Variants in AUTS2 observed in about 807,000 individuals in gnomAD.
AUTS2 encodes activator of transcription and developmental regulator AUTS2.
Under a neutral mutation model 112.4 loss-of-function variants are expected in AUTS2, and 17 were observed. The observed-to-expected ratio is 0.15, with a 90% CI of 0.10 to 0.23. The LOEUF (loss-of-function observed/expected upper bound fraction) is 0.23, where lower values mean the gene tolerates loss of function less well. Among genes scored for constraint, AUTS2 ranks in the 10% least tolerant of loss-of-function variants. The pLI is 1.00. For synonymous variants in AUTS2, 751 were observed against 702.7 expected, an observed-to-expected ratio of 1.07 and a Z score of -1.09; for missense variants, 1,510 against 1,701.6, an observed-to-expected ratio of 0.89 and a Z score of 1.98.
At chr7:69,600,570 G>T (rs1448203274) in intron 1 of AUTS2, among the ~76,000 whole-genome samples, 2 of 149,596 alleles carry the variant, frequency 1.3e-5, no homozygotes, top group African/African-American at 4.9e-5. Context: ...TGAAGCTGGG[G>T]AAGGGGGCGT....
At chr7:69,835,470 G>C (rs1042991293) in intron 1 of AUTS2, among the ~76,000 whole-genome samples, 1 of 152,256 alleles carries the variant, frequency 6.6e-6, no homozygotes, top group Middle Eastern at 3.4e-3. Flanking sequence ...GTTAGTGGGA[G>C]CTTAGAGGGA....
At chr7:70,775,036 C>T (rs929707286) in intron 12 of AUTS2, 2 of 368,592 alleles carry the variant, frequency 5.4e-6, no homozygotes, top group Non-Finnish European at 9.8e-6. Flanking sequence ...CAGACCTACC[C>T]GGTGTGGTTT....
chr7:69,730,718 G>C (rs1036368362), intron 1 of AUTS2, among the ~76,000 whole-genome samples: 1 of 152,130 alleles, frequency 6.6e-6, no homozygotes, highest in Non-Finnish European at 1.5e-5. Flanking sequence ...ATACCAAATA[G>C]CTGTAACCTT....
At chr7:70,677,613 G>T (rs899146563) in intron 5 of AUTS2, among the ~76,000 whole-genome samples, 4 of 151,998 alleles carry the variant, frequency 2.6e-5, no homozygotes, top group Non-Finnish European at 4.4e-5. Flanking sequence ...TGTAGAGGCA[G>T]GGTCTTGCTT....
chr7:70,361,865 A>T (rs1439277182), intron 4 of AUTS2, among the ~76,000 whole-genome samples: 2 of 152,162 alleles, frequency 1.3e-5, no homozygotes, highest in East Asian at 3.8e-4. Context: ...TCAAGAAGAT[A>T]AGTTTTATGT....
At chr7:70,568,860 C>A (rs755929995) in intron 5 of AUTS2, among the ~76,000 whole-genome samples, 10 of 152,250 alleles carry the variant, frequency 6.6e-5, no homozygotes, top group Non-Finnish European at 1.2e-4. Context: ...CTTTTTCACC[C>A]TCTGACATGA....
At chr7:70,648,055 C>T (rs539375042) in intron 5 of AUTS2, among the ~76,000 whole-genome samples, 6 of 152,208 alleles carry the variant, frequency 3.9e-5, no homozygotes, top group African/African-American at 9.6e-5. Flanking sequence ...GGGCAGGTAC[C>T]GAACCTTTCT....
At position 70,488,317 on chromosome 7, in the gene AUTS2, G is replaced by T. The variant is rs187810213; in HGVS notation, c.690+52536G>T. ...TCATTTGGCTCCCAGCATTTCATCT[G>T]CCCAGCCTGGAGAGTGCGCCAGGTG... On this transcript the variant is annotated intron_variant, in intron 5 of 18. Transcript: ENST00000342771. 3.3e-5 allele frequency among the ~76,000 whole-genome samples: 5 copies of T among 152,322 alleles called. No homozygotes were observed. The East Asian group carries it at 9.6e-4, about 29-fold the overall frequency.
chr7:69,823,697 A>T (rs1303907399), intron 1 of AUTS2, among the ~76,000 whole-genome samples: 1 of 152,128 alleles, frequency 6.6e-6, no homozygotes, highest in African/African-American at 2.4e-5. Flanking sequence ...CACCATTATC[A>T]TGACATTGAT....
intron 5 of AUTS2, among the ~76,000 whole-genome samples, chr7:70,628,263 C>T (rs1394453237): frequency 8.7e-6 from 1 of 115,126 alleles, no homozygotes; most frequent in African/African-American, 3.4e-5. Context: ...GCTGCAGGGC[C>T]CCTGGGGAGG....
intron 2 of AUTS2, among the ~76,000 whole-genome samples, chr7:69,947,512 C>T (rs561828137): frequency 1.3e-5 from 2 of 152,084 alleles, no homozygotes; most frequent in South Asian, 2.1e-4. Context: ...GTGGAAATAC[C>T]GTGGAATTCA....
chr7:70,702,060 G>A (rs1809488298), intron 6 of AUTS2, among the ~76,000 whole-genome samples: 1 of 152,184 alleles, frequency 6.6e-6, no homozygotes, highest in Non-Finnish European at 1.5e-5. Context: ...ATCCTTGCTG[G>A]TGTCACCAGT....
intron 4 of AUTS2, among the ~76,000 whole-genome samples, chr7:70,253,261 G>T (rs762191613): frequency 3.3e-5 from 5 of 152,086 alleles, no homozygotes; most frequent in Admixed American, 1.3e-4. Flanking sequence ...ATGGAAAAAA[G>T]AAATTTTTTG....
chr7:70,204,490 G>A (rs1201739400), intron 4 of AUTS2, among the ~76,000 whole-genome samples: 6 of 152,128 alleles, frequency 3.9e-5, no homozygotes, highest in African/African-American at 1.4e-4. Flanking sequence ...GTTTTGTCGG[G>A]GGGTGGGGAG....
intron 4 of AUTS2, among the ~76,000 whole-genome samples, chr7:70,186,837 G>T (rs146269006): frequency 4.7e-4 from 71 of 152,286 alleles, no homozygotes; most frequent in African/African-American, 1.6e-3. Context: ...CCAAAGTGCT[G>T]GCATTATAGG....
intron 2 of AUTS2, among the ~76,000 whole-genome samples, chr7:70,030,538 C>T (rs933624623): frequency 1.3e-5 from 2 of 152,116 alleles, no homozygotes; most frequent in Non-Finnish European, 2.9e-5. Context: ...GAGAAAACAA[C>T]AGGCTTCCCA....
chr7:70,252,204 C>T (rs1212968462), intron 4 of AUTS2, among the ~76,000 whole-genome samples: 3 of 152,148 alleles, frequency 2.0e-5, no homozygotes, highest in African/African-American at 7.2e-5. Context: ...GAGGAACTTT[C>T]ATACTGTTTT....
intron 5 of AUTS2, among the ~76,000 whole-genome samples, chr7:70,691,717 C>T (rs1808763004): frequency 6.6e-6 from 1 of 152,040 alleles, no homozygotes; most frequent in Non-Finnish European, 1.5e-5. Flanking sequence ...GCCAGGGGAC[C>T]CTGGGGAGCA....
chr7:70,259,676 A>G (rs894212368), intron 4 of AUTS2, among the ~76,000 whole-genome samples: 1 of 152,182 alleles, frequency 6.6e-6, no homozygotes, highest in Non-Finnish European at 1.5e-5. Context: ...ACTTCCTACC[A>G]GGGATGGGCT....
Sources: gnomAD v4.1 joint callset for allele counts (sites outside exome capture counted in the v4.1 genomes callset) on GRCh38, gnomAD v4.1.1 for gene constraint, MANE v1.5 for transcripts, NCBI Gene and HGNC (gene_info 2026-07-23, HGNC 2026-07-21) for gene names.